Variants in TNKS observed in about 807,000 individuals in gnomAD.
TNKS encodes the protein poly [ADP-ribose] polymerase tankyrase-1.
TNKS carries 72 observed loss-of-function variants against 135.8 expected under a neutral mutation model. The ratio of observed to expected loss-of-function variants is 0.53; its 90% CI spans 0.44 to 0.64. The LOEUF (loss-of-function observed/expected upper bound fraction) is 0.64, where lower values mean the gene tolerates loss of function less well. Among genes scored for constraint, TNKS ranks in the 30% least tolerant of loss-of-function variants. The pLI, the probability that TNKS is intolerant of heterozygous loss-of-function variation, is 0.00. For synonymous variants in TNKS, 849 were observed against 649.3 expected (o/e 1.31, Z -4.68); for missense variants, 1,769 against 1,674.0 (o/e 1.06, Z -0.99).
chr8:9,582,721 AGTACCAG>A (rs1798214925), intron 2 of TNKS, among the ~76,000 whole-genome samples: 1 of 152,228 alleles, frequency 6.6e-6, no homozygotes, highest in South Asian at 2.1e-4. Context: ...TATTTAGAAG[AGTACCAG>A]GTACAGTGTA....
At chr8:9,655,818 C>G (rs916667119) in intron 3 of TNKS, among the ~76,000 whole-genome samples, 1 of 151,412 alleles carries the variant, frequency 6.6e-6, no homozygotes, top group African/African-American at 2.4e-5. Flanking sequence ...AAACCAGAAA[C>G]TCTAAAAATC....
chr8:9,670,945 G>GT (rs1209651478), intron 3 of TNKS: 2 of 152,116 alleles, frequency 1.3e-5, no homozygotes, highest in Non-Finnish European at 1.5e-5. Flanking sequence ...GAAAATGCTG[G>GT]TTTTTTGTTT....
chr8:9,601,989 A>G lies in TNKS; in HGVS notation c.899-13593A>G, dbSNP rs151057926. 1.2e-3 allele frequency among the ~76,000 whole-genome samples: 181 copies of G among 152,174 alleles called. 2 individuals are homozygous for G. In the East Asian group the frequency reaches 0.032, roughly 27 times the overall value. The stretch of plus-strand genomic sequence containing the variant: ...GGTGGGGACGGGTCCATAGGAACCT[A>G]AAGAGTAGACGTTCTCAAGCAGGGA... On this transcript the variant is annotated intron_variant, in intron 2 of 26. Coordinates refer to ENST00000310430, the MANE Select transcript of TNKS (RefSeq NM_003747.3).
chr8:9,715,864 C>G (rs4129362), intron 11 of TNKS, among the ~76,000 whole-genome samples: 3,650 of 152,176 alleles, frequency 0.024, 96 homozygotes, highest in African/African-American at 0.069. Context: ...ATAGGAAAGA[C>G]ATGAAGACTT....
chr8:9,556,044 C>G lies in TNKS; in HGVS notation c.105C>G (p.Leu35=), dbSNP rs1421470427. The G allele has an allele frequency of 6.2e-7, 1 of 1,610,906 alleles. No individual in the cohort carries two copies. Among genetic ancestry groups the G allele is most frequent in the Non-Finnish European group, 8.5e-7 (1 of 1,179,164 alleles). ...SAPPPPPPPP[L]SPGLAPGTTP... ...CGCCGCCGCCACCTCCTCCCCCACT[C>G]AGCCCTGGCCTGGCCCCGGGGACCA... The change falls in exon 1 of 27, where the codon CTC becomes CTG. Residue 35 remains leucine, a synonymous_variant. Coordinates refer to ENST00000310430, the MANE Select transcript of TNKS (RefSeq NM_003747.3).
chr8:9,652,700 A>G (rs1221497758), intron 3 of TNKS, among the ~76,000 whole-genome samples: 2 of 152,342 alleles, frequency 1.3e-5, no homozygotes, highest in East Asian at 1.9e-4. Flanking sequence ...AACAATTGTT[A>G]GTAAATCAAA....
At chr8:9,562,291 G>C (rs1797370125) in intron 1 of TNKS, among the ~76,000 whole-genome samples, 1 of 151,952 alleles carries the variant, frequency 6.6e-6, no homozygotes, top group Admixed American at 6.6e-5. Flanking sequence ...ATGAATTACT[G>C]ATTAATTTTC....
intron 3 of TNKS, among the ~76,000 whole-genome samples, chr8:9,643,434 T>G (rs1052894975): frequency 1.8e-5 from 2 of 114,086 alleles, no homozygotes; most frequent in Non-Finnish European, 3.7e-5. Context: ...ACTAAATGGC[T>G]TCTGCGATAA....
chr8:9,773,088 A>G (rs1808028548), intron 26 of TNKS, among the ~76,000 whole-genome samples: 1 of 151,884 alleles, frequency 6.6e-6, no homozygotes, highest in Non-Finnish European at 1.5e-5. Flanking sequence ...TTTCTGTTTA[A>G]ATCATAAACC....
chr8:9,642,428 A>G lies in TNKS; in HGVS notation c.994+26751A>G, dbSNP rs995651071. Among the ~76,000 whole-genome samples, 22 of 146,338 alleles carry G rather than the reference A, an allele frequency of 1.5e-4. 2 individuals are homozygous for G. Among genetic ancestry groups the G allele is most frequent in the African/African-American group, 4.5e-4 (18 of 39,634 alleles). On this transcript the variant is annotated intron_variant, in intron 3 of 26. Coordinates refer to ENST00000310430, the MANE Select transcript of TNKS (RefSeq NM_003747.3). ...AGTTTTCTACTTTTGTCACACTAGG[A>G]TTTCCACATATTTAAATTTTATTTC...
intron 3 of TNKS, among the ~76,000 whole-genome samples, chr8:9,658,874 A>G (rs914276963): frequency 3.9e-5 from 6 of 152,232 alleles, no homozygotes; most frequent in Admixed American, 1.3e-4. Context: ...GGCTCAAAAT[A>G]AAGGGATGGA....
intron 1 of TNKS, among the ~76,000 whole-genome samples, chr8:9,562,831 T>C (rs1413394880): frequency 6.6e-6 from 1 of 151,912 alleles, no homozygotes; most frequent in Admixed American, 6.6e-5. Context: ...TTTTTCTTTC[T>C]AGATGGGCAA....
At position 9,727,880 on chromosome 8, in the gene TNKS, C is replaced by G. The variant is rs181121999; in HGVS notation, c.2001+1160C>G. Among the ~76,000 whole-genome samples the G allele has an allele frequency of 5.3e-5, 8 of 152,200 alleles. No homozygotes were observed. In the East Asian group the frequency reaches 1.4e-3, roughly 26 times the overall value. On this transcript the variant is annotated intron_variant, in intron 13 of 26. Coordinates refer to ENST00000310430, the MANE Select transcript of TNKS (RefSeq NM_003747.3). ...TAGTAAATTTTAGTTGTGATAGCCA[C>G]TAGGGAGAAATTTTTATGTTGTCTT...
At chr8:9,713,595 C>T (rs909972898) in intron 11 of TNKS, among the ~76,000 whole-genome samples, 2 of 152,280 alleles carry the variant, frequency 1.3e-5, no homozygotes, top group African/African-American at 4.8e-5. Context: ...TCATCCTAGT[C>T]TTTCCACTGT....
chr8:9,663,152 G>T (rs974007527), intron 3 of TNKS, among the ~76,000 whole-genome samples: 1 of 152,196 alleles, frequency 6.6e-6, no homozygotes, highest in Non-Finnish European at 1.5e-5. Context: ...TTTTCCCCTA[G>T]AGGCTCCGAA....
chr8:9,663,660 G>A (rs1801842918), intron 3 of TNKS, among the ~76,000 whole-genome samples: 1 of 152,192 alleles, frequency 6.6e-6, no homozygotes, highest in Admixed American at 6.5e-5. Flanking sequence ...GCTGTCAATT[G>A]GGGGTTCCCA....
At chr8:9,611,687 C>G (rs1799470250) in intron 2 of TNKS, among the ~76,000 whole-genome samples, 1 of 152,138 alleles carries the variant, frequency 6.6e-6, no homozygotes, top group Admixed American at 6.5e-5. Context: ...CATGTATGTG[C>G]CATTCTTCTG....
At chr8:9,662,059 T>C (rs534641965) in intron 3 of TNKS, among the ~76,000 whole-genome samples, 3 of 152,200 alleles carry the variant, frequency 2.0e-5, no homozygotes, top group Non-Finnish European at 4.4e-5. Flanking sequence ...ACACACCTGT[T>C]AGAATGGCGA....
intron 3 of TNKS, among the ~76,000 whole-genome samples, chr8:9,660,206 A>G (rs1801628910): frequency 6.6e-6 from 1 of 152,228 alleles, no homozygotes; most frequent in Non-Finnish European, 1.5e-5. Flanking sequence ...CAATCAATAG[A>G]AAAAGACGGA....
Sources: gnomAD v4.1 joint callset for allele counts (sites outside exome capture counted in the v4.1 genomes callset) on GRCh38, gnomAD v4.1.1 for gene constraint, MANE v1.5 for transcripts, NCBI Gene and HGNC (gene_info 2026-07-23, HGNC 2026-07-21) for gene names.